ORC2: variants seen among roughly 807,000 people sequenced by gnomAD.
ORC2 encodes origin recognition complex subunit 2.
In ORC2, 37 loss-of-function variants were observed where a neutral mutation model predicts 77.7. The ratio of observed to expected loss-of-function variants is 0.48; its 90% confidence interval spans 0.37 to 0.63. The LOEUF is 0.63. Among genes scored for constraint, ORC2 ranks in the 20% least tolerant of loss-of-function variants. ORC2 has a pLI of 0.00. For missense variants in ORC2, 557 were observed against 661.9 expected, an observed-to-expected ratio of 0.84 and a Z score of 1.74; for synonymous variants, 201 against 229.5, an observed-to-expected ratio of 0.88 and a Z score of 1.12.
chr2:200,954,394 G>A (rs1439865647), intron 4 of ORC2, among the ~76,000 whole-genome samples: 1 of 152,142 alleles, frequency 6.6e-6, no homozygotes, highest in Non-Finnish European at 1.5e-5. Context: ...ATAAACTTTA[G>A]GAGGATATTT....
At chr2:200,962,317 C>CA (rs1471368418) in intron 1 of ORC2, among the ~76,000 whole-genome samples, 1 of 152,246 alleles carries the variant, frequency 6.6e-6, no homozygotes, top group African/African-American at 2.4e-5. Flanking sequence ...AATTCTGCAG[C>CA]ACCAAGTGTT....
rs927988878 is a variant in ORC2, at chr2:200,909,490, G to C, written c.*1811C>G. 6.6e-6 allele frequency: 1 copy of C among 152,052 alleles called. No homozygotes were observed. Among genetic ancestry groups the C allele is most frequent in the Non-Finnish European group, 1.5e-5 (1 of 68,046 alleles). 9.4% of individuals were successfully genotyped at this position (152,052 alleles called of 1,614,324 possible). On this transcript the variant is annotated 3_prime_UTR_variant, in exon 18 of 18. Coordinates refer to ENST00000234296, the MANE Select transcript of ORC2 (RefSeq NM_006190.5). Reference sequence around the variant, plus strand: ...GGGAGGCCGAGGCAGGATCACTTGAGGTCAGGAATTCGAGACCAGCCTGGC... The same window carrying C: ...GGGAGGCCGAGGCAGGATCACTTGACGTCAGGAATTCGAGACCAGCCTGGC...
At chr2:200,956,754 T>A (rs763535705) in intron 4 of ORC2, among the ~76,000 whole-genome samples, 7 of 152,136 alleles carry the variant, frequency 4.6e-5, no homozygotes, top group Non-Finnish European at 8.8e-5. Flanking sequence ...TCTGGGTGAC[T>A]GAGCAAGACC....
chr2:200,937,550 A>AT (rs1415753032), intron 8 of ORC2, among the ~76,000 whole-genome samples: 1 of 152,204 alleles, frequency 6.6e-6, no homozygotes, highest in African/African-American at 2.4e-5. Flanking sequence ...ATCTGAAACG[A>AT]TTTTTAATTT....
At chr2:200,950,983 G>C (rs986379570) in intron 4 of ORC2, among the ~76,000 whole-genome samples, 1 of 152,128 alleles carries the variant, frequency 6.6e-6, no homozygotes, top group Admixed American at 6.6e-5. Flanking sequence ...TTTACGCTGT[G>C]GCTTGTCTTT....
chr2:200,912,571 G>A (rs964908206), intron 17 of ORC2, among the ~76,000 whole-genome samples: 15 of 151,910 alleles, frequency 9.9e-5, no homozygotes, highest in African/African-American at 3.6e-4. Context: ...ACAGCTGCGT[G>A]CCACCACAAC....
intron 10 of ORC2, among the ~76,000 whole-genome samples, chr2:200,933,347 G>T (rs16835928): frequency 0.045 from 6,519 of 145,924 alleles, 471 homozygotes; most frequent in African/African-American, 0.16. Flanking sequence ...CCTCTACTTT[G>T]TGCAAAGTTT....
intron 4 of ORC2, among the ~76,000 whole-genome samples, chr2:200,955,685 C>T (rs1400257462): frequency 6.6e-6 from 1 of 152,172 alleles, no homozygotes; most frequent in African/African-American, 2.4e-5. Flanking sequence ...ACAGAGATGA[C>T]ACAGGGAGAC....
chr2:200,928,852 T>C (rs1358669249), intron 11 of ORC2, among the ~76,000 whole-genome samples: 1 of 151,926 alleles, frequency 6.6e-6, no homozygotes, highest in South Asian at 2.1e-4. Context: ...TAAAAACTTT[T>C]ATAGGCTGAA....
chr2:200,930,846 GA>G (rs1425790021), intron 11 of ORC2, among the ~76,000 whole-genome samples: 1 of 151,922 alleles, frequency 6.6e-6, no homozygotes, highest in Non-Finnish European at 1.5e-5. Context: ...TAATAACAGT[GA>G]AAAAATATTC....
At chr2:200,950,481 T>C (rs144426512) in intron 4 of ORC2, among the ~76,000 whole-genome samples, 79 of 152,314 alleles carry the variant, frequency 5.2e-4, no homozygotes, top group African/African-American at 1.8e-3. Flanking sequence ...TGAGGGTTGC[T>C]AGGATCCCTG....
intron 4 of ORC2, among the ~76,000 whole-genome samples, chr2:200,953,813 C>T (rs979860514): frequency 6.6e-6 from 1 of 152,010 alleles, no homozygotes; most frequent in African/African-American, 2.4e-5. Context: ...GGTTCAGATG[C>T]TAAGCTTTTT....
In ORC2 at chr2:200,921,122, A is replaced by G. The variant is rs750423482; in HGVS notation, c.1165T>C (p.Phe389Leu). ...CTATCCAAATTGTGGATGAGAAGGA[A>G]GAGTTCTAAAGAAGAATCTAAAAAG... The part of the protein sequence containing the change: ...KFKEDSSLEL[F>L]LLIHNLDSQM... The change falls in exon 14 of 18, where the codon TTC becomes CTC. Residue 389 changes from phenylalanine to leucine, a missense_variant. Transcript: ENST00000234296. 6.3e-7 allele frequency: 1 copy of G among 1,586,166 alleles called. No homozygotes were observed. Among genetic ancestry groups the G allele is most frequent in the Admixed American group, 1.8e-5 (1 of 55,128 alleles).
chr2:200,956,593 G>A (rs1226013183), intron 4 of ORC2, among the ~76,000 whole-genome samples: 1 of 151,856 alleles, frequency 6.6e-6, no homozygotes, highest in African/African-American at 2.4e-5. Context: ...GTCTCCCAAT[G>A]TACTGGGATC....
chr2:200,949,414 C>A (rs1024953804), intron 5 of ORC2, 140 bp downstream of exon 5: 1 of 582,576 alleles, frequency 1.7e-6, no homozygotes. Flanking sequence ...TTTTAGGGAA[C>A]GTCTCATTAT....
intron 3 of ORC2, among the ~76,000 whole-genome samples, 171 bp from the exon 4 acceptor site, chr2:200,957,715 TA>T (rs908682314): frequency 4.5e-4 from 65 of 145,770 alleles, no homozygotes; most frequent in South Asian, 4.1e-3. Context: ...TTTATATAGT[TA>T]AAAAAAAAAA....
chr2:200,942,661 C>T (rs1015181082), intron 6 of ORC2, 24 bp downstream of exon 6: 2 of 1,340,228 alleles, frequency 1.5e-6, no homozygotes, highest in Non-Finnish European at 2.1e-6. Flanking sequence ...AAATTCTTTT[C>T]AAAGAACTAA....
intron 10 of ORC2, among the ~76,000 whole-genome samples, chr2:200,933,097 G>A (rs1017170958): frequency 4.6e-5 from 7 of 151,874 alleles, no homozygotes; most frequent in Admixed American, 3.3e-4. Flanking sequence ...TCTCTGATCC[G>A]AGTCTCAATA....
rs375299750 is a variant in ORC2 at position 200,935,743 on chromosome 2, C to T, written c.664G>A (p.Val222Ile). The T allele has an allele frequency of 4.3e-6, 7 of 1,613,294 alleles. No individual in the cohort carries two copies. Among genetic ancestry groups the T allele is most frequent in the Non-Finnish European group, 5.9e-6 (7 of 1,179,812 alleles). Residue 222 changes from valine to isoleucine, a missense_variant, in exon 9 of 18, where the codon GTT (valine) becomes ATT (isoleucine). Coordinates refer to ENST00000234296, the MANE Select transcript of ORC2 (RefSeq NM_006190.5). ...CTCTTAGAAGGTGTTTCTTTGCCAA[C>T]AGGAGCTGAAACTACTCTATTCTGA... ...QAQNRVVSAP[V>I]GKETPSKRMK...
Sources: allele counts gnomAD v4.1 joint callset (sites outside exome capture counted in the v4.1 genomes callset), GRCh38; gene constraint gnomAD v4.1.1; transcripts MANE v1.5; gene names NCBI Gene and HGNC (gene_info 2026-07-23, HGNC 2026-07-21).